The following TENM3 variants were observed in gnomAD, a reference collection of about 807,000 sequenced individuals.
TENM3 encodes teneurin-3.
Under a neutral mutation model 255.1 loss-of-function variants are expected in TENM3, and 63 were observed. That is an observed-to-expected ratio of 0.25 (90% CI 0.20 to 0.30). The LOEUF is 0.30. Ranked by LOEUF, TENM3 falls within the 10% of genes least tolerant of loss-of-function variation. TENM3 has a pLI of 1.00. For missense variants in TENM3, 2,929 were observed against 3,461.1 expected, an observed-to-expected ratio of 0.85 and a Z score of 3.86; for synonymous variants, 1,306 against 1,322.3, an observed-to-expected ratio of 0.99 and a Z score of 0.27.
At chr4:182,271,744 A>C (rs1310474808) in intron 1 of TENM3, among the ~76,000 whole-genome samples, 2 of 152,252 alleles carry the variant, frequency 1.3e-5, no homozygotes, top group African/African-American at 4.8e-5. Flanking sequence ...ATTTGACTAA[A>C]GCGTTATTAT....
the TENM3 span, among the ~76,000 whole-genome samples, chr4:181,980,695 A>G: frequency 1.3e-5 from 2 of 152,296 alleles, no homozygotes; most frequent in East Asian, 3.9e-4. Context: ...TCTAATTTTC[A>G]AATGTAAAAT....
the TENM3 span, among the ~76,000 whole-genome samples, chr4:181,710,171 G>T: frequency 1.3e-5 from 2 of 152,072 alleles, no homozygotes; most frequent in Admixed American, 1.3e-4. Flanking sequence ...TCAGAGAAGA[G>T]GCTTGAGGAC....
chr4:181,784,160 G>GTT, the TENM3 span, among the ~76,000 whole-genome samples: 26,644 of 147,942 alleles, frequency 0.18, 3,000 homozygotes, highest in Non-Finnish European at 0.26. Context: ...CGAGTCATCT[G>GTT]TTTTTTTTTT....
intron 24 of TENM3, among the ~76,000 whole-genome samples, chr4:182,779,217 C>T (rs1018624628): frequency 1.3e-5 from 2 of 151,814 alleles, no homozygotes; most frequent in Non-Finnish European, 2.9e-5. Flanking sequence ...CTCCCCCCAC[C>T]CCACAACAGT....
chr4:181,704,836 C>T, the TENM3 span, among the ~76,000 whole-genome samples: 1 of 152,030 alleles, frequency 6.6e-6, no homozygotes, highest in Non-Finnish European at 1.5e-5. Context: ...AGTTTGAAAC[C>T]AGCCTGACCA....
At chr4:182,341,801 A>G (rs1220545072) in intron 2 of TENM3, among the ~76,000 whole-genome samples, 1 of 152,240 alleles carries the variant, frequency 6.6e-6, no homozygotes, top group Admixed American at 6.5e-5. Context: ...TAGAAGGCAA[A>G]GAAAAAAATG....
At chr4:182,744,232 GA>G (rs746240103) in intron 19 of TENM3, 209 of 877,358 alleles carry the variant, frequency 2.4e-4, no homozygotes, top group Non-Finnish European at 2.6e-4. Flanking sequence ...GTGACCCTCT[GA>G]AATTGTTTTC....
In TENM3 at chr4:182,578,966, T is replaced by C. The variant is rs60628867; in HGVS notation, c.512-21958T>C. On this transcript the variant is annotated intron_variant, in intron 3 of 27. Coordinates refer to ENST00000511685, the MANE Select transcript of TENM3 (RefSeq NM_001080477.4). ...CCAACCCCGGCACAAAGCAAATGTT[T>C]CCTTGTTCACCTTCTTCATGTAGTT... is the stretch of plus-strand genomic sequence containing the variant. 6.2e-3 allele frequency among the ~76,000 whole-genome samples: 945 copies of C among 152,334 alleles called. 8 individuals carry two copies. Among genetic ancestry groups the C allele is most frequent in the African/African-American group, 0.022 (912 of 41,576 alleles).
At chr4:181,675,339 G>A in the TENM3 span, among the ~76,000 whole-genome samples, 2 of 152,000 alleles carry the variant, frequency 1.3e-5, no homozygotes, top group South Asian at 4.2e-4. Flanking sequence ...CTTCTAGGTA[G>A]TAATAAATAT....
At chr4:181,748,858 A>G in the TENM3 span, among the ~76,000 whole-genome samples, 1 of 152,150 alleles carries the variant, frequency 6.6e-6, no homozygotes, top group Non-Finnish European at 1.5e-5. Context: ...TGCATACACC[A>G]TGCATAAATT....
At chr4:182,223,467 G>C (rs543421746) in intron 1 of TENM3, among the ~76,000 whole-genome samples, 1 of 152,212 alleles carries the variant, frequency 6.6e-6, no homozygotes, top group African/African-American at 2.4e-5. Context: ...ATAGAAAGCA[G>C]CAGGGAAATC....
chr4:181,827,869 T>C, the TENM3 span, among the ~76,000 whole-genome samples: 2 of 152,208 alleles, frequency 1.3e-5, no homozygotes, highest in South Asian at 2.1e-4. Context: ...CATTTTCAAG[T>C]ATGAAAACAA....
chr4:181,587,670 A>C, the TENM3 span, among the ~76,000 whole-genome samples: 1 of 152,184 alleles, frequency 6.6e-6, no homozygotes, highest in African/African-American at 2.4e-5. Flanking sequence ...CAGAAGCTCT[A>C]CTGCCCTCAA....
At chr4:181,927,310 G>A in the TENM3 span, among the ~76,000 whole-genome samples, 18 of 152,202 alleles carry the variant, frequency 1.2e-4, no homozygotes, top group Non-Finnish European at 2.4e-4. Context: ...GTCTGAAATC[G>A]ACCTGGGAAG....
At chr4:181,464,357 A>G in the TENM3 span, among the ~76,000 whole-genome samples, 16 of 152,298 alleles carry the variant, frequency 1.1e-4, no homozygotes, top group African/African-American at 3.4e-4. Context: ...GTGGGTATGT[A>G]GTGGTGTCTC....
chr4:182,083,918 A>T, the TENM3 span, among the ~76,000 whole-genome samples: 2 of 152,162 alleles, frequency 1.3e-5, no homozygotes, highest in African/African-American at 2.4e-5. Context: ...GTGCTCTCTT[A>T]CAGAGAACCC....
At chr4:182,247,586 G>A (rs1212558577) in intron 1 of TENM3, among the ~76,000 whole-genome samples, 1 of 152,186 alleles carries the variant, frequency 6.6e-6, no homozygotes, top group Non-Finnish European at 1.5e-5. Flanking sequence ...TAGATTTTAA[G>A]ATTTTTCAGG....
the TENM3 span, among the ~76,000 whole-genome samples, chr4:182,072,024 G>C: frequency 5.9e-5 from 9 of 152,294 alleles, no homozygotes; most frequent in East Asian, 7.7e-4. Context: ...TTTGTTAGGG[G>C]TTTGTTTCAG....
chr4:181,802,372 C>T, the TENM3 span, among the ~76,000 whole-genome samples: 14 of 152,108 alleles, frequency 9.2e-5, no homozygotes, highest in South Asian at 6.2e-4. Flanking sequence ...CAATGGAATC[C>T]GCTGTAGCCC....
Sources: allele counts gnomAD v4.1 joint callset (sites outside exome capture counted in the v4.1 genomes callset), GRCh38; gene constraint gnomAD v4.1.1; transcripts MANE v1.5; gene names NCBI Gene and HGNC (gene_info 2026-07-23, HGNC 2026-07-21).